The following ZNF804B variants were observed in gnomAD, a reference collection of about 807,000 sequenced individuals.
The protein encoded by ZNF804B is zinc finger protein 804B.
Under a neutral mutation model 101.4 loss-of-function variants are expected in ZNF804B, and 80 were observed. That is an observed-to-expected ratio of 0.79 (90% CI 0.66 to 0.95). ZNF804B has a LOEUF of 0.95. Among genes scored for constraint, ZNF804B ranks in the 40% least tolerant of loss-of-function variants. The pLI, the probability that ZNF804B is intolerant of heterozygous loss-of-function variation, is 0.00. For synonymous variants in ZNF804B, 622 were observed against 558.8 expected (o/e 1.11, Z -1.59); for missense variants, 1,673 against 1,561.9 (o/e 1.07, Z -1.20).
chr7:88,907,718 C>G (rs948401018), intron 1 of ZNF804B, among the ~76,000 whole-genome samples: 2 of 151,790 alleles, frequency 1.3e-5, no homozygotes, highest in African/African-American at 2.4e-5. Context: ...TAAGCCATTA[C>G]CACATTTTTA....
intron 2 of ZNF804B, among the ~76,000 whole-genome samples, chr7:89,325,551 G>A (rs1241383832): frequency 6.6e-6 from 1 of 151,898 alleles, no homozygotes; most frequent in African/African-American, 2.4e-5. Context: ...AAACAATACA[G>A]AATTCTCAAT....
At chr7:89,282,111 G>C (rs1790106659) in intron 2 of ZNF804B, among the ~76,000 whole-genome samples, 2 of 150,656 alleles carry the variant, frequency 1.3e-5, no homozygotes, top group African/African-American at 2.4e-5. Flanking sequence ...TGAGGCAGGA[G>C]AATGGTGTGA....
At chr7:89,155,807 CT>C (rs1386171429) in intron 1 of ZNF804B, among the ~76,000 whole-genome samples, 2 of 152,086 alleles carry the variant, frequency 1.3e-5, no homozygotes, top group Admixed American at 6.6e-5. Context: ...GGAACATTTG[CT>C]TTTTTTCTTC....
intron 1 of ZNF804B, among the ~76,000 whole-genome samples, chr7:89,071,368 A>T (rs538210647): frequency 1.0e-3 from 158 of 152,266 alleles, no homozygotes; most frequent in African/African-American, 3.5e-3. Flanking sequence ...ATGTGTTTTT[A>T]TTTATTTTTA....
chr7:88,966,645 T>C lies in ZNF804B; in HGVS notation c.108+206561T>C, dbSNP rs557533123. 9.9e-5 allele frequency among the ~76,000 whole-genome samples: 15 copies of C among 151,670 alleles called. 1 individual carries two copies. The highest frequency in any genetic ancestry group is 3.4e-4 in the African/African-American group (14 of 41,482). On this transcript the variant is annotated intron_variant, in intron 1 of 3. Transcript: ENST00000333190. ...AGTTATTTATTTTCCTTGCTGTCCT[T>C]CTAAACTCATACTAAGGTGCTAGTC... is the stretch of plus-strand genomic sequence containing the variant.
At chr7:89,134,540 A>C (rs1035746260) in intron 1 of ZNF804B, among the ~76,000 whole-genome samples, 1 of 151,986 alleles carries the variant, frequency 6.6e-6, no homozygotes, top group Non-Finnish European at 1.5e-5. Context: ...GTGACTCCCT[A>C]AAGCACCTAC....
At chr7:89,152,717 T>G (rs1427432186) in intron 1 of ZNF804B, among the ~76,000 whole-genome samples, 1 of 152,188 alleles carries the variant, frequency 6.6e-6, no homozygotes, top group Admixed American at 6.6e-5. Flanking sequence ...TTTCTTGCCT[T>G]TAACATCAAT....
intron 1 of ZNF804B, among the ~76,000 whole-genome samples, chr7:89,083,091 CT>C (rs1789721080): frequency 6.6e-6 from 1 of 151,610 alleles, no homozygotes; most frequent in Non-Finnish European, 1.5e-5. Context: ...TTGTAAATGC[CT>C]TTTGTAAATG....
At chr7:88,784,768 T>G (rs186713091) in intron 1 of ZNF804B, among the ~76,000 whole-genome samples, 69 of 152,278 alleles carry the variant, frequency 4.5e-4, no homozygotes, top group African/African-American at 1.6e-3. Flanking sequence ...GTTATTAAAC[T>G]TACTTTTACA....
At chr7:89,131,417 C>T (rs2116379907) in intron 1 of ZNF804B, among the ~76,000 whole-genome samples, 1 of 152,050 alleles carries the variant, frequency 6.6e-6, no homozygotes, top group Middle Eastern at 3.4e-3. Flanking sequence ...ATAGGCAACT[C>T]ATCATCACTG....
intron 2 of ZNF804B, among the ~76,000 whole-genome samples, chr7:89,324,938 C>T (rs930151957): frequency 1.3e-5 from 2 of 151,738 alleles, no homozygotes; most frequent in African/African-American, 4.8e-5. Flanking sequence ...TTTTTTAAAG[C>T]AACTCCAAAG....
At chr7:88,931,466 G>A (rs543295212) in intron 1 of ZNF804B, among the ~76,000 whole-genome samples, 83 of 151,946 alleles carry the variant, frequency 5.5e-4, no homozygotes, top group Non-Finnish European at 1.0e-3. Flanking sequence ...GCAAAGGAAG[G>A]CTGCATCTGC....
At chr7:88,837,503 A>G (rs1028591782) in intron 1 of ZNF804B, among the ~76,000 whole-genome samples, 7 of 151,942 alleles carry the variant, frequency 4.6e-5, no homozygotes, top group African/African-American at 1.7e-4. Context: ...TCAGTGATCA[A>G]TGGTAGAAAA....
chr7:89,192,995 C>G (rs1439395857), intron 1 of ZNF804B, among the ~76,000 whole-genome samples: 3 of 151,998 alleles, frequency 2.0e-5, no homozygotes, highest in Admixed American at 2.0e-4. Context: ...AAGGAACATG[C>G]CTTAAAATAA....
At chr7:88,850,756 C>T (rs1174062410) in intron 1 of ZNF804B, among the ~76,000 whole-genome samples, 1 of 152,042 alleles carries the variant, frequency 6.6e-6, no homozygotes, top group African/African-American at 2.4e-5. Flanking sequence ...GAATGGCATT[C>T]AAACAAGAAG....
chr7:88,961,541 CA>C (rs1164681796), intron 1 of ZNF804B, among the ~76,000 whole-genome samples: 4 of 151,336 alleles, frequency 2.6e-5, no homozygotes, highest in Non-Finnish European at 4.4e-5. Flanking sequence ...GACCTCTTTA[CA>C]GCTTTTAAAA....
At chr7:89,180,584 G>A (rs776425488) in intron 1 of ZNF804B, among the ~76,000 whole-genome samples, 2 of 151,958 alleles carry the variant, frequency 1.3e-5, no homozygotes, top group African/African-American at 2.4e-5. Context: ...AGCCTACAAT[G>A]GGGGTTTCAG....
At chr7:88,887,953 A>G (rs1792157409) in intron 1 of ZNF804B, among the ~76,000 whole-genome samples, 1 of 152,192 alleles carries the variant, frequency 6.6e-6, no homozygotes, top group African/African-American at 2.4e-5. Flanking sequence ...TCAAAAATAT[A>G]TGTATTACTG....
At chr7:88,833,176 TAA>T (rs11293185) in intron 1 of ZNF804B, among the ~76,000 whole-genome samples, 1 of 149,936 alleles carries the variant, frequency 6.7e-6, no homozygotes, top group African/African-American at 2.4e-5. Flanking sequence ...ATCTTCCGCT[TAA>T]AAAAAAGTAA....
Sources: allele counts gnomAD v4.1 joint callset (sites outside exome capture counted in the v4.1 genomes callset), GRCh38; gene constraint gnomAD v4.1.1; transcripts MANE v1.5; gene names NCBI Gene and HGNC (gene_info 2026-07-23, HGNC 2026-07-21).